Variants in EEF1E1 observed in about 807,000 individuals in gnomAD.
EEF1E1 encodes eukaryotic translation elongation factor 1 epsilon-1.
EEF1E1 carries 19 observed loss-of-function variants against 19.9 expected under a neutral mutation model. The ratio of observed to expected loss-of-function variants is 0.95; its 90% CI spans 0.66 to 1.40. EEF1E1 has a LOEUF of 1.40. Ranked by LOEUF, EEF1E1 falls within the 40% of genes most tolerant of loss-of-function variation. The pLI is 0.00. For missense variants in EEF1E1, 198 were observed against 202.2 expected (o/e 0.98, Z 0.13); for synonymous variants, 81 against 80.0 (o/e 1.01, Z -0.07).
downstream of EEF1E1, among the ~76,000 whole-genome samples, chr6:8,076,575 G>A (rs1581451162): frequency 6.6e-6 from 1 of 151,650 alleles, no homozygotes; most frequent in Admixed American, 6.6e-5. Context: ...TGCCCGCCTC[G>A]GCCTCCCAAA....
chr6:8,077,147 G>A (rs756779570), downstream of EEF1E1, among the ~76,000 whole-genome samples: 8 of 152,180 alleles, frequency 5.3e-5, no homozygotes, highest in South Asian at 2.1e-4. Flanking sequence ...GTTTCACCGT[G>A]TTAGCCAGGA....
At chr6:8,075,121 T>C (rs112016082), downstream of EEF1E1, among the ~76,000 whole-genome samples, 2 of 152,314 alleles carry the variant, frequency 1.3e-5, no homozygotes, top group African/African-American at 4.8e-5. Flanking sequence ...AGGTGTAATT[T>C]GCAGCAGTGA....
At chr6:8,077,153 C>T (rs1225563599), downstream of EEF1E1, among the ~76,000 whole-genome samples, 1 of 152,044 alleles carries the variant, frequency 6.6e-6, no homozygotes, top group Non-Finnish European at 1.5e-5. Context: ...CCGTGTTAGC[C>T]AGGATTGTCT....
downstream of EEF1E1, among the ~76,000 whole-genome samples, chr6:8,075,863 C>T (rs750877333): frequency 6.6e-5 from 10 of 152,216 alleles, no homozygotes; most frequent in Non-Finnish European, 1.3e-4. Flanking sequence ...GCTTTGTCAA[C>T]TAAGCTTATG....
chr6:8,076,943 T>G (rs1338708683), downstream of EEF1E1, among the ~76,000 whole-genome samples: 4 of 121,300 alleles, frequency 3.3e-5, no homozygotes, highest in East Asian at 1.3e-3. Context: ...TTGTTTTTGT[T>G]TTTGTTTTTT....
At chr6:8,075,418 A>G (rs1757566344), downstream of EEF1E1, among the ~76,000 whole-genome samples, 1 of 151,982 alleles carries the variant, frequency 6.6e-6, no homozygotes, top group African/African-American at 2.4e-5. Context: ...GACCACCACA[A>G]TAAAGTATGA....
rs767545566 is a variant in EEF1E1, at chr6:8,097,464, G to A, written c.91C>T (p.Pro31Ser). Reference protein sequence around the residue: ...KYSAQGERQIPVLQTNNGPSL... With the variant: ...KYSAQGERQISVLQTNNGPSL... ...GGACCATTGTTTGTCTGAAGAACTG[G>A]AATCTTAAAAAGAAAAAAAAGTTCA... is the stretch of plus-strand genomic sequence containing the variant. The change falls in exon 2 of 4, where the codon CCA (proline) becomes TCA (serine). Residue 31 changes from proline (P) to serine (S), a missense_variant. Transcript: ENST00000379715. The A allele has an allele frequency of 1.9e-6, 3 of 1,610,022 alleles. No homozygotes were observed. The highest frequency in any genetic ancestry group is 1.1e-5 in the South Asian group (1 of 90,122).
chr6:8,101,238 AAAAAAATATATATAT>A (rs1758344327), intron 1 of EEF1E1, among the ~76,000 whole-genome samples: 1 of 74,804 alleles, frequency 1.3e-5, no homozygotes, highest in African/African-American at 6.2e-5. Context: ...AAAAAAAAAA[AAAAAAATATATATAT>A]ATATATATAT....
chr6:8,092,868 GCTTTTTTTTTT>G lies in EEF1E1; in HGVS notation c.289-2598_289-2588del, dbSNP rs1428673024. Among the ~76,000 whole-genome samples the G allele has an allele frequency of 7.3e-3, 793 of 108,206 alleles. 16 individuals are homozygous for G. The highest frequency in any genetic ancestry group is 0.029 in the African/African-American group (765 of 26,742). 71.0% of individuals were successfully genotyped at this position (108,206 alleles called of 152,430 possible). ...GTTTTGTGTTTTAGTGATAAAGACT[GCTTTTTTTTTT>G]TTTTTTTTTTTTTGAGATGGAGTCT... On this transcript the variant is annotated intron_variant, in intron 2 of 3. Transcript: ENST00000379715.
At chr6:8,093,771 C>T (rs981380914) in intron 2 of EEF1E1, among the ~76,000 whole-genome samples, 2 of 151,376 alleles carry the variant, frequency 1.3e-5, no homozygotes, top group South Asian at 2.1e-4. Flanking sequence ...GAAAACGACA[C>T]ATTAATAATT....
chr6:8,085,573 T>A (rs1268065725), intron 3 of EEF1E1, among the ~76,000 whole-genome samples: 1 of 152,240 alleles, frequency 6.6e-6, no homozygotes. Context: ...AATTGAATCA[T>A]ATTCTTTGTA....
At chr6:8,094,434 T>C (rs1050245624) in intron 2 of EEF1E1, among the ~76,000 whole-genome samples, 39 of 151,746 alleles carry the variant, frequency 2.6e-4, no homozygotes, top group Middle Eastern at 6.8e-3. Flanking sequence ...CCATCTCTAC[T>C]AAAAATACAA....
downstream of EEF1E1, among the ~76,000 whole-genome samples, chr6:8,076,560 T>G (rs925980250): frequency 1.8e-4 from 27 of 151,906 alleles, no homozygotes; most frequent in African/African-American, 6.5e-4. Flanking sequence ...CCTGACCTCG[T>G]GATCTGCCCG....
intron 1 of EEF1E1, among the ~76,000 whole-genome samples, chr6:8,101,331 ATATAT>A (rs1177059222): frequency 5.8e-5 from 8 of 138,984 alleles, no homozygotes; most frequent in African/African-American, 1.6e-4. Flanking sequence ...ACTCGGCCAT[ATATAT>A]TATATTTATA....
chr6:8,096,981 AC>A (rs1238302887), intron 2 of EEF1E1, among the ~76,000 whole-genome samples: 9 of 152,242 alleles, frequency 5.9e-5, no homozygotes, highest in African/African-American at 1.9e-4. Context: ...ATTGACTATG[AC>A]AAGGGTCCTG....
Position 8,080,397 on chromosome 6 carries a change from T to C in EEF1E1, c.385-367A>G, listed in dbSNP as rs1056752678. 2.0e-5 allele frequency among the ~76,000 whole-genome samples: 3 copies of C among 152,114 alleles called. No individual in the cohort carries two copies. The South Asian group carries it at 6.2e-4, about 32-fold the overall frequency. ...TTTCTCTGGTATTCTTTAGTAAACC[T>C]AAAAAAAGGAAATGATCCATTTCAA... On this transcript the variant is annotated intron_variant, in intron 3 of 3. Transcript: ENST00000379715.
chr6:8,083,686 G>A (rs1276760122), intron 3 of EEF1E1, among the ~76,000 whole-genome samples: 2 of 152,214 alleles, frequency 1.3e-5, no homozygotes, highest in Non-Finnish European at 2.9e-5. Context: ...CTGATGACTC[G>A]AAGGTTCCTT....
At chr6:8,083,958 A>G (rs1293074974) in intron 3 of EEF1E1, among the ~76,000 whole-genome samples, 2 of 152,104 alleles carry the variant, frequency 1.3e-5, no homozygotes, top group Admixed American at 6.5e-5. Context: ...CAATTCTGCC[A>G]TTGTGTAGGT....
downstream of EEF1E1, among the ~76,000 whole-genome samples, chr6:8,075,592 A>G (rs568798977): frequency 9.3e-5 from 14 of 151,136 alleles, no homozygotes; most frequent in African/African-American, 3.1e-4. Context: ...ATTAATGATC[A>G]TCTGGACCTT....
Sources: gnomAD v4.1 joint callset for allele counts (sites outside exome capture counted in the v4.1 genomes callset) on GRCh38, gnomAD v4.1.1 for gene constraint, MANE v1.5 for transcripts, NCBI Gene and HGNC (gene_info 2026-07-23, HGNC 2026-07-21) for gene names.